The following TSHZ2 variants were observed in gnomAD, a reference collection of about 807,000 sequenced individuals.
TSHZ2 encodes teashirt homolog 2.
A neutral mutation model predicts 74.4 loss-of-function variants in TSHZ2; 21 were observed. That is an observed-to-expected ratio of 0.28 (90% CI 0.20 to 0.41). The LOEUF (loss-of-function observed/expected upper bound fraction) is 0.41. TSHZ2 is among the 10% of genes least tolerant of loss of function. TSHZ2 has a pLI of 1.00. For missense variants in TSHZ2, 1,244 were observed against 1,293.5 expected (o/e 0.96, Z 0.59); for synonymous variants, 540 against 515.3 (o/e 1.05, Z -0.65).
chr20:53,140,118 A>G (rs982778936), intron 1 of TSHZ2, among the ~76,000 whole-genome samples: 1 of 152,208 alleles, frequency 6.6e-6, no homozygotes, highest in Non-Finnish European at 1.5e-5. Context: ...TTTTACCCTC[A>G]TAAAAAGTTT....
intron 1 of TSHZ2, among the ~76,000 whole-genome samples, chr20:53,115,349 G>A (rs1986640432): frequency 6.6e-6 from 1 of 152,158 alleles, no homozygotes; most frequent in South Asian, 2.1e-4. Context: ...ATGGGAACAG[G>A]TCTTTCCTAT....
chr20:53,380,182 T>C (rs1981809686), intron 2 of TSHZ2, among the ~76,000 whole-genome samples: 1 of 151,882 alleles, frequency 6.6e-6, no homozygotes, highest in Non-Finnish European at 1.5e-5. Flanking sequence ...ATGTGTGTTA[T>C]AAAAGGTTTA....
chr20:53,389,936 C>G (rs180780262), intron 2 of TSHZ2, among the ~76,000 whole-genome samples: 4 of 152,330 alleles, frequency 2.6e-5, no homozygotes, highest in African/African-American at 9.6e-5. Flanking sequence ...CACTTATTTT[C>G]ATGCTGTTCT....
intron 1 of TSHZ2, among the ~76,000 whole-genome samples, chr20:53,033,525 AGGAG>A (rs1983712211): frequency 6.6e-6 from 1 of 152,164 alleles, no homozygotes; most frequent in Non-Finnish European, 1.5e-5. Context: ...GTCTCCTGCA[AGGAG>A]CAGATGGGAT....
chr20:53,002,754 G>A (rs986096458), intron 1 of TSHZ2, among the ~76,000 whole-genome samples: 3 of 152,162 alleles, frequency 2.0e-5, no homozygotes, highest in East Asian at 1.9e-4. Flanking sequence ...TGGGACCTAC[G>A]GGCAAGCTTT....
Position 53,253,915 on chromosome 20 carries a change from A to C in TSHZ2, c.457A>C (p.Arg153=). Residue 153 remains arginine, a synonymous_variant, in exon 2 of 3, where the codon AGG becomes CGG. Coordinates refer to ENST00000371497, the MANE Select transcript of TSHZ2 (RefSeq NM_173485.6). ...LGFKLSNSER[R]NCDTRNGSNK... Reference sequence around the variant, plus strand: ...CTTCAAGCTGTCCAATAGTGAGAGGAGGAACTGTGACACCCGAAACGGCAG... The same window carrying C: ...CTTCAAGCTGTCCAATAGTGAGAGGCGGAACTGTGACACCCGAAACGGCAG... 1 of 1,614,200 alleles carries C rather than the reference A, an allele frequency of 6.2e-7. No homozygotes were observed. Among genetic ancestry groups the C allele is most frequent in the African/African-American group, 1.3e-5 (1 of 75,040 alleles).
chr20:53,484,452 C>T (rs1355202180), intron 2 of TSHZ2, among the ~76,000 whole-genome samples: 1 of 143,414 alleles, frequency 7.0e-6, no homozygotes, highest in African/African-American at 2.6e-5. Flanking sequence ...GTGGTGCGAT[C>T]TTGGCTCACT....
Position 53,075,706 on chromosome 20 carries a change from G to A in TSHZ2, c.40+102373G>A, listed in dbSNP as rs572160094. ...GGAGGAAGGAGTAGGGTGATCACCA[G>A]CCCAGGCTGCTAGGAGACTGAGGGA... On this transcript the variant is annotated intron_variant, in intron 1 of 2. Transcript: ENST00000371497. Among the ~76,000 whole-genome samples the A allele has an allele frequency of 3.9e-5, 6 of 152,312 alleles. No homozygotes were observed. The South Asian group carries it at 1.2e-3, about 32-fold the overall frequency.
At chr20:53,016,921 G>C (rs574374532) in intron 1 of TSHZ2, among the ~76,000 whole-genome samples, 14 of 151,496 alleles carry the variant, frequency 9.2e-5, no homozygotes, top group East Asian at 5.8e-4. Context: ...AGTTGCAGGT[G>C]GGGGGCTTGC....
Position 53,074,582 on chromosome 20 carries a change from A to G in TSHZ2, c.40+101249A>G, listed in dbSNP as rs952089520. 1.3e-5 allele frequency among the ~76,000 whole-genome samples: 2 copies of G among 152,224 alleles called. No individual in the cohort carries two copies. The highest frequency in any genetic ancestry group is 2.9e-5 in the Non-Finnish European group (2 of 68,024). ...GCTGGACAAAACTTGCAAAACAATG[A>G]AGAAAGGAAAGAAAATAGTGATTGC... is the stretch of plus-strand genomic sequence containing the variant. On this transcript the variant is annotated intron_variant, in intron 1 of 2. Transcript: ENST00000371497. This position sits in a 1 kb window ranked among gnomAD's most constrained non-coding sequence, Gnocchi z 5.9.
At chr20:53,425,995 A>T (rs147865851) in intron 2 of TSHZ2, among the ~76,000 whole-genome samples, 1 of 152,306 alleles carries the variant, frequency 6.6e-6, no homozygotes, top group African/African-American at 2.4e-5. Flanking sequence ...ATTACCCTCG[A>T]TATTGGGAAC....
chr20:53,350,869 A>AC (rs1980621304), intron 2 of TSHZ2, among the ~76,000 whole-genome samples: 1 of 152,236 alleles, frequency 6.6e-6, no homozygotes, highest in South Asian at 2.1e-4. Flanking sequence ...AAACTAGAAG[A>AC]CAGACTTGGA....
At chr20:53,119,521 G>A (rs576303407) in intron 1 of TSHZ2, among the ~76,000 whole-genome samples, 1 of 152,270 alleles carries the variant, frequency 6.6e-6, no homozygotes, top group Admixed American at 6.5e-5. Flanking sequence ...GCATGGTAAC[G>A]ATGAACACAT....
intron 1 of TSHZ2, among the ~76,000 whole-genome samples, chr20:52,987,772 C>G (rs1981828671): frequency 6.6e-6 from 1 of 152,060 alleles, no homozygotes; most frequent in African/African-American, 2.4e-5. Flanking sequence ...GACAAGCAAT[C>G]CAGAAAATAA....
At chr20:53,097,276 A>G (rs1986082608) in intron 1 of TSHZ2, among the ~76,000 whole-genome samples, 1 of 152,190 alleles carries the variant, frequency 6.6e-6, no homozygotes. Flanking sequence ...GCTATGTTTT[A>G]TTCCCCAGAG....
chr20:53,147,888 T>C (rs1208756845), intron 1 of TSHZ2, among the ~76,000 whole-genome samples: 3 of 152,178 alleles, frequency 2.0e-5, no homozygotes, highest in African/African-American at 7.2e-5. Flanking sequence ...GGCTAACTTT[T>C]GTATTTTTAG....
At chr20:53,031,942 GAAGA>G (rs1056260591) in intron 1 of TSHZ2, among the ~76,000 whole-genome samples, 2 of 152,032 alleles carry the variant, frequency 1.3e-5, no homozygotes, top group African/African-American at 2.4e-5. Flanking sequence ...GAGAGGAAAG[GAAGA>G]AAGGAAGGAA....
chr20:53,314,274 C>G (rs1978906737), intron 2 of TSHZ2, among the ~76,000 whole-genome samples: 1 of 139,266 alleles, frequency 7.2e-6, no homozygotes, highest in South Asian at 2.3e-4. Context: ...GGCAACAGAG[C>G]AAGACTCTGT....
intron 1 of TSHZ2, among the ~76,000 whole-genome samples, chr20:53,052,938 G>A (rs772186753): frequency 2.6e-5 from 4 of 152,058 alleles, no homozygotes; most frequent in East Asian, 1.9e-4. Context: ...ACAGTGTTTC[G>A]CATGTTCACG....
Sources: gnomAD v4.1 joint callset for allele counts (sites outside exome capture counted in the v4.1 genomes callset) on GRCh38, gnomAD v4.1.1 for gene constraint, Gnocchi (gnomAD v3.1) non-coding constraint, MANE v1.5 for transcripts, NCBI Gene and HGNC (gene_info 2026-07-23, HGNC 2026-07-21) for gene names.